Variants in ALCAM observed in about 807,000 individuals in gnomAD.
ALCAM encodes CD166 antigen.
ALCAM carries 30 observed loss-of-function variants against 70.9 expected under a neutral mutation model. The ratio of observed to expected loss-of-function variants is 0.42; its 90% CI spans 0.32 to 0.57. ALCAM has a LOEUF of 0.57. Ranked by LOEUF, ALCAM falls within the 20% of genes least tolerant of loss-of-function variation. The pLI, the probability that ALCAM is intolerant of heterozygous loss-of-function variation, is 0.11. For missense variants in ALCAM, 591 were observed against 695.1 expected, an observed-to-expected ratio of 0.85 and a Z score of 1.68; for synonymous variants, 249 against 242.5, an observed-to-expected ratio of 1.03 and a Z score of -0.25.
intron 1 of ALCAM, among the ~76,000 whole-genome samples, chr3:105,405,277 C>CAAAAAAA (rs35101188): frequency 6.3e-4 from 41 of 65,268 alleles, no homozygotes; most frequent in Non-Finnish European, 8.1e-4. Flanking sequence ...AACTTCGTCT[C>CAAAAAAA]AAAAAAAAAA....
chr3:105,526,407 T>G (rs1329712151), intron 3 of ALCAM, among the ~76,000 whole-genome samples: 2 of 152,092 alleles, frequency 1.3e-5, no homozygotes, highest in African/African-American at 2.4e-5. Context: ...TCAATAAAAT[T>G]TATCAGCTGA....
At chr3:105,405,981 A>T (rs1275121529) in intron 1 of ALCAM, among the ~76,000 whole-genome samples, 1 of 152,166 alleles carries the variant, frequency 6.6e-6, no homozygotes, top group African/African-American at 2.4e-5. Context: ...GGTTACAGGG[A>T]GAAGACCTGG....
intron 1 of ALCAM, among the ~76,000 whole-genome samples, chr3:105,495,553 G>A (rs1212067198): frequency 6.6e-6 from 1 of 152,126 alleles, no homozygotes; most frequent in Non-Finnish European, 1.5e-5. Flanking sequence ...ATGAAATAGT[G>A]AGACAACAAG....
intron 1 of ALCAM, among the ~76,000 whole-genome samples, chr3:105,455,878 C>A (rs1374185909): frequency 6.6e-6 from 1 of 152,112 alleles, no homozygotes; most frequent in Non-Finnish European, 1.5e-5. Flanking sequence ...TCACTTGAGG[C>A]CAGGAGTTGG....
intron 1 of ALCAM, 21 bp downstream of exon 1, chr3:105,367,502 A>ATGCT: frequency 6.2e-7 from 1 of 1,613,596 alleles, no homozygotes; most frequent in Non-Finnish European, 8.5e-7. Context: ...GCCTGGGAGC[A>ATGCT]GCCCCAGACA....
intron 14 of ALCAM, among the ~76,000 whole-genome samples, chr3:105,554,587 T>G (rs1940477124): frequency 6.6e-6 from 1 of 151,980 alleles, no homozygotes; most frequent in Non-Finnish European, 1.5e-5. Context: ...CACCACAACT[T>G]GGTAACCAAT....
chr3:105,524,265 A>G (rs1195137630), intron 2 of ALCAM, 24 bp from the exon 3 acceptor site: 3 of 1,567,836 alleles, frequency 1.9e-6, no homozygotes, highest in South Asian at 1.1e-5. Context: ...TTGTGTTTAA[A>G]TGTATTATTA....
intron 1 of ALCAM, among the ~76,000 whole-genome samples, chr3:105,428,944 G>A (rs972406788): frequency 1.3e-5 from 2 of 151,660 alleles, no homozygotes; most frequent in African/African-American, 4.8e-5. Context: ...ATCATATTGG[G>A]CACAAAAGAA....
intron 1 of ALCAM, among the ~76,000 whole-genome samples, chr3:105,518,881 AACC>A (rs887675569): frequency 2.8e-4 from 42 of 152,210 alleles, no homozygotes; most frequent in African/African-American, 9.6e-4. Flanking sequence ...CAAAATTCTT[AACC>A]TTAAATGAAA....
chr3:105,468,851 A>G (rs979984965), intron 1 of ALCAM, among the ~76,000 whole-genome samples: 3 of 151,342 alleles, frequency 2.0e-5, no homozygotes, highest in African/African-American at 7.3e-5. Flanking sequence ...TTTCTGCACT[A>G]GAACTTTATT....
At chr3:105,378,828 T>G (rs1191599118) in intron 1 of ALCAM, among the ~76,000 whole-genome samples, 1 of 151,926 alleles carries the variant, frequency 6.6e-6, no homozygotes, top group East Asian at 1.9e-4. Flanking sequence ...TTTCAGGGTA[T>G]GGTTTGGAGG....
chr3:105,379,365 A>G (rs1461386878), intron 1 of ALCAM, among the ~76,000 whole-genome samples: 1 of 151,880 alleles, frequency 6.6e-6, no homozygotes, highest in Non-Finnish European at 1.5e-5. Flanking sequence ...AGTATATTTT[A>G]TTAGAATGTT....
chr3:105,550,107 C>A lies in ALCAM; in HGVS notation c.1375-20C>A. The A allele has an allele frequency of 6.4e-7, 1 of 1,565,048 alleles. No homozygotes were observed. The highest frequency in any genetic ancestry group is 1.2e-5 in the South Asian group (1 of 86,606). On this transcript the variant is annotated intron_variant, in intron 11 of 15. Transcript: ENST00000306107. ...AATCCATTTTGATTTCTAAACCCAC[C>A]TTTTTTCTTCTTTTTCCAGACAGAG...
intron 1 of ALCAM, among the ~76,000 whole-genome samples, chr3:105,399,286 T>A (rs1032186669): frequency 1.1e-4 from 17 of 152,132 alleles, no homozygotes; most frequent in Non-Finnish European, 2.9e-5. Context: ...TACACTTTAG[T>A]TTCAAGGAAA....
Position 105,534,575 on chromosome 3 carries a change from A to G in ALCAM, c.548-88A>G, listed in dbSNP as rs1939922342. On this transcript the variant is annotated intron_variant, in intron 5 of 15. Coordinates refer to ENST00000306107, the MANE Select transcript of ALCAM (RefSeq NM_001627.4). The stretch of plus-strand genomic sequence containing the variant: ...CTGAATACAGTTAGAAGGAAAAAAA[A>G]CACTTCTCAAAGGTGTGGTGCTGTT... The G allele has an allele frequency of 4.6e-6, 6 of 1,311,826 alleles. No homozygotes were observed. In the South Asian group the frequency reaches 7.2e-5, roughly 16 times the overall value. The allele number at this position is 1,311,826 out of a possible 1,614,324, so 81.3% of individuals were successfully genotyped here.
chr3:105,418,825 GA>G (rs199529963), intron 1 of ALCAM, among the ~76,000 whole-genome samples: 54 of 149,914 alleles, frequency 3.6e-4, no homozygotes, highest in African/African-American at 1.3e-3. Context: ...ATTCACTGTA[GA>G]AAAAAAAAGA....
At chr3:105,387,936 T>A (rs953658209) in intron 1 of ALCAM, among the ~76,000 whole-genome samples, 4 of 151,628 alleles carry the variant, frequency 2.6e-5, no homozygotes, top group African/African-American at 9.7e-5. Context: ...TCTCTTTTTT[T>A]AATATTTGCA....
At chr3:105,514,222 T>C (rs1428752056) in intron 1 of ALCAM, among the ~76,000 whole-genome samples, 1 of 151,938 alleles carries the variant, frequency 6.6e-6, no homozygotes, top group African/African-American at 2.4e-5. Flanking sequence ...AAAGCACACC[T>C]AAAACTTGCC....
At position 105,382,117 on chromosome 3, in the gene ALCAM, G is replaced by A. The variant is rs527438065; in HGVS notation, c.73+14636G>A. On this transcript the variant is annotated intron_variant, in intron 1 of 15. Transcript: ENST00000306107. ...CCCCAACCCCACAACAGTCCCCAGA[G>A]TGTGATCTTCCCCTTCCTGTGTCCA... Among the ~76,000 whole-genome samples, 270 of 125,126 alleles carry A rather than the reference G, an allele frequency of 2.2e-3. 1 individual carries two copies. Among genetic ancestry groups the A allele is most frequent in the African/African-American group, 8.0e-3 (260 of 32,492 alleles). 82.1% of individuals were successfully genotyped at this position (125,126 alleles called of 152,430 possible). A position where few individuals can be genotyped will look rare whatever the true frequency, so the allele number is the denominator to read the frequency against.
Sources: gnomAD v4.1 joint callset for allele counts (sites outside exome capture counted in the v4.1 genomes callset) on GRCh38, gnomAD v4.1.1 for gene constraint, MANE v1.5 for transcripts, NCBI Gene and HGNC (gene_info 2026-07-23, HGNC 2026-07-21) for gene names.